Variants in ADAM19 observed in about 807,000 individuals in gnomAD.
ADAM19 encodes the protein ADAM metallopeptidase domain 19, also known as disintegrin and metalloproteinase domain-containing protein 19.
ADAM19 carries 65 observed loss-of-function variants against 114.7 expected under a neutral mutation model. The ratio of observed to expected loss-of-function variants is 0.57; its 90% CI spans 0.46 to 0.70. ADAM19 has a LOEUF of 0.70. Ranked by LOEUF, ADAM19 falls within the 30% of genes least tolerant of loss-of-function variation. The pLI, the probability that ADAM19 is intolerant of heterozygous loss-of-function variation, is 0.00. For synonymous variants in ADAM19, 466 were observed against 460.5 expected (o/e 1.01, Z -0.15); for missense variants, 1,063 against 1,204.7 (o/e 0.88, Z 1.74).
chr5:157,538,017 A>C (rs1253564032), intron 3 of ADAM19, 26 bp from the exon 4 acceptor site: 1 of 1,587,196 alleles, frequency 6.3e-7, no homozygotes, highest in Non-Finnish European at 8.7e-7. Context: ...AGAGACATTT[A>C]TATCATAAGT....
intron 2 of ADAM19, chr5:157,566,606 A>T (rs978269115): frequency 3.9e-4 from 60 of 152,202 alleles, no homozygotes; most frequent in African/African-American, 1.4e-3. Flanking sequence ...TTATTTTTTT[A>T]AAAAAGGATA....
chr5:157,546,356 G>A lies in ADAM19; in HGVS notation c.252-8365C>T, dbSNP rs147317085. ...TGTGCGTGTTGAGAGCAGAGAGCAAGGCCAGTCTAGGGATCAGGAATTAAG... is the reference window on the plus strand; with the variant it reads ...TGTGCGTGTTGAGAGCAGAGAGCAAAGCCAGTCTAGGGATCAGGAATTAAG... On this transcript the variant is annotated intron_variant, in intron 3 of 22. Coordinates refer to ENST00000257527, the MANE Select transcript of ADAM19 (RefSeq NM_033274.5). Among the ~76,000 whole-genome samples, 20 of 152,304 alleles carry A rather than the reference G, an allele frequency of 1.3e-4. No homozygotes were observed. In the East Asian group the frequency reaches 3.7e-3, roughly 28 times the overall value.
rs903924600 is a variant in ADAM19 at position 157,480,783 on chromosome 5, G to A, written c.*166C>T. The A allele has an allele frequency of 5.7e-5, 83 of 1,455,892 alleles. No homozygotes were observed. Among genetic ancestry groups the A allele is most frequent in the Non-Finnish European group, 6.8e-5 (76 of 1,110,562 alleles). The allele number at this position is 1,455,892 out of a possible 1,614,324, so 90.2% of individuals were successfully genotyped here. A position where few individuals can be genotyped will look rare whatever the true frequency, so the allele number is the denominator to read the frequency against. Reference sequence around the variant, plus strand: ...GTCCCTCTGGGCTTCCAAGGAAGCCGAGGAGGCACTGAGTCAACAGGGAGA... The same window carrying A: ...GTCCCTCTGGGCTTCCAAGGAAGCCAAGGAGGCACTGAGTCAACAGGGAGA... On this transcript the variant is annotated 3_prime_UTR_variant, in exon 23 of 23. Coordinates refer to ENST00000257527, the MANE Select transcript of ADAM19 (RefSeq NM_033274.5).
At chr5:157,490,616 G>A (rs971589423) in intron 18 of ADAM19, among the ~76,000 whole-genome samples, 162 bp from the exon 19 acceptor site, 3 of 152,076 alleles carry the variant, frequency 2.0e-5, no homozygotes, top group Non-Finnish European at 4.4e-5. Context: ...ATTATGGGCC[G>A]GGCACAGTGG....
chr5:157,515,485 C>G (rs897791429), intron 7 of ADAM19, among the ~76,000 whole-genome samples: 1 of 152,320 alleles, frequency 6.6e-6, no homozygotes, highest in African/African-American at 2.4e-5. Flanking sequence ...ATAGTCTCTG[C>G]TACAACTCTT....
chr5:157,502,465 C>T (rs1251109523), intron 12 of ADAM19, among the ~76,000 whole-genome samples: 2 of 152,210 alleles, frequency 1.3e-5, no homozygotes, highest in Admixed American at 6.5e-5. Flanking sequence ...GTGTGGCCTC[C>T]AGAATAAATT....
chr5:157,571,054 G>C, intron 1 of ADAM19, 74 bp from the exon 2 acceptor site: 2 of 1,307,696 alleles, frequency 1.5e-6, no homozygotes, highest in South Asian at 2.5e-5. Context: ...TGCACTTTCT[G>C]TGAGCTGCCC....
intron 21 of ADAM19, among the ~76,000 whole-genome samples, chr5:157,487,116 C>T (rs565689084): frequency 1.3e-5 from 2 of 152,304 alleles, no homozygotes; most frequent in Admixed American, 1.3e-4. Flanking sequence ...TTTGAAGCCA[C>T]CCAGTGTGCA....
At position 157,478,912 on chromosome 5, in the gene ADAM19, G is replaced by C. The variant is rs975228968; in HGVS notation, c.*2037C>G. 6.1e-6 allele frequency: 6 copies of C among 985,612 alleles called. No homozygotes were observed. The highest frequency in any genetic ancestry group is 2.3e-4 in the East Asian group (2 of 8,832). The allele number at this position is 985,612 out of a possible 1,614,324, so 61.1% of individuals were successfully genotyped here. ...CAGAGCTATCTACCTCCTGATGTGA[G>C]GGAGAAAGGCTGGAGAAGCCACAGG... On this transcript the variant is annotated 3_prime_UTR_variant, in exon 23 of 23. Transcript: ENST00000257527.
At chr5:157,564,583 A>G (rs1346047753) in intron 2 of ADAM19, 140 bp from the exon 3 acceptor site, 6 of 731,784 alleles carry the variant, frequency 8.2e-6, no homozygotes, top group Non-Finnish European at 1.4e-5. Context: ...TCCAGCCCAC[A>G]TGTAAAATGA....
At chr5:157,540,031 C>T (rs1756874828) in intron 3 of ADAM19, among the ~76,000 whole-genome samples, 2 of 152,190 alleles carry the variant, frequency 1.3e-5, no homozygotes, top group African/African-American at 4.8e-5. Context: ...TGTCTCTGAA[C>T]CTTTGTTTCC....
rs1181494611 is a variant in ADAM19 at position 157,518,934 on chromosome 5, C to T, written c.601-46G>A. The T allele has an allele frequency of 4.5e-6, 7 of 1,544,376 alleles. No individual in the cohort carries two copies. In the Admixed American group the frequency reaches 6.8e-5, roughly 15 times the overall value. On this transcript the variant is annotated intron_variant, in intron 6 of 22. Coordinates refer to ENST00000257527, the MANE Select transcript of ADAM19 (RefSeq NM_033274.5). ...AGCGCTGTAGAAATAGTGGACTTGG[C>T]CTCATTTTTAAAAAACTGCTAAGAA... is the stretch of plus-strand genomic sequence containing the variant.
At chr5:157,519,143 A>G (rs1756195046) in intron 6 of ADAM19, among the ~76,000 whole-genome samples, 2 of 152,156 alleles carry the variant, frequency 1.3e-5, no homozygotes, top group African/African-American at 4.8e-5. Flanking sequence ...AGATGAGCTG[A>G]TGAGCACAGG....
intron 3 of ADAM19, among the ~76,000 whole-genome samples, chr5:157,550,321 C>A (rs1203510207): frequency 1.3e-5 from 2 of 152,128 alleles, no homozygotes; most frequent in Non-Finnish European, 2.9e-5. Context: ...CTTCACATGG[C>A]ATTCTCCCAG....
At chr5:157,497,130 C>T (rs1353622850) in intron 13 of ADAM19, 41 bp from the exon 14 acceptor site, 9 of 1,448,806 alleles carry the variant, frequency 6.2e-6, no homozygotes, top group Non-Finnish European at 7.2e-6. Context: ...CAATCTCCTC[C>T]CCACCCTCAA....
chr5:157,522,096 C>T (rs890361380), intron 5 of ADAM19, among the ~76,000 whole-genome samples: 1 of 152,214 alleles, frequency 6.6e-6, no homozygotes, highest in Non-Finnish European at 1.5e-5. Context: ...TAAGAATCCT[C>T]ATAGTGGCTG....
At chr5:157,513,350 G>T in intron 8 of ADAM19, 84 bp downstream of exon 8, 2 of 1,384,030 alleles carry the variant, frequency 1.4e-6, no homozygotes, top group Non-Finnish European at 2.1e-6. Context: ...GGCTGGGGCA[G>T]CCAATCCAGC....
rs776784665 is a variant in ADAM19, at chr5:157,493,134, G to A, written c.1747C>T (p.Arg583Trp). The part of the protein sequence containing the change: ...GKIQCQSSEA[R>W]PLESNAVPID... Reference sequence around the variant, plus strand: ...GGCACCGCGTTGGACTCCAGGGGCCGGGCCTCAGAGCTCTGACACTGGATC... The same window carrying A: ...GGCACCGCGTTGGACTCCAGGGGCCAGGCCTCAGAGCTCTGACACTGGATC... The change falls in exon 16 of 23, where the codon CGG becomes TGG. Residue 583 changes from arginine (R) to tryptophan (W), a missense_variant. Physicochemically the swap from Arg to Trp is moderately radical, Grantham distance 101. Around this residue, in one of 3 missense-constraint regions of ADAM19, gnomAD observed 424 missense variants for 445.5 expected, o/e 0.95. Coordinates refer to ENST00000257527, the MANE Select transcript of ADAM19 (RefSeq NM_033274.5). 8 of 1,614,206 alleles carry A rather than the reference G, an allele frequency of 5.0e-6. No individual in the cohort carries two copies. Among genetic ancestry groups the A allele is most frequent in the East Asian group, 2.2e-5 (1 of 44,886 alleles).
chr5:157,526,825 C>T (rs1434987743), intron 5 of ADAM19, among the ~76,000 whole-genome samples: 3 of 151,930 alleles, frequency 2.0e-5, no homozygotes, highest in Non-Finnish European at 2.9e-5. Context: ...TTTGCCATGT[C>T]GGCCAGGTTG....
Sources: gnomAD v4.1 joint callset for allele counts (sites outside exome capture counted in the v4.1 genomes callset) on GRCh38, gnomAD v4.1.1 for gene constraint, gnomAD v4.1.1 regional missense constraint, MANE v1.5 for transcripts, NCBI Gene and HGNC (gene_info 2026-07-23, HGNC 2026-07-21) for gene names.